EYA4: variants seen among roughly 807,000 people sequenced by gnomAD.
EYA4 encodes EYA transcriptional coactivator and phosphatase 4, also known as protein phosphatase EYA4.
EYA4 carries 31 observed loss-of-function variants against 87.9 expected under a neutral mutation model. That is an observed-to-expected ratio of 0.35 (90% CI 0.27 to 0.48). The LOEUF is 0.48. EYA4 is among the 20% of genes least tolerant of loss of function. EYA4 has a pLI of 0.99. For synonymous variants in EYA4, 263 were observed against 270.6 expected, an observed-to-expected ratio of 0.97 and a Z score of 0.28; for missense variants, 678 against 761.4, an observed-to-expected ratio of 0.89 and a Z score of 1.29.
At chr6:133,296,418 C>G (rs996097509) in intron 2 of EYA4, among the ~76,000 whole-genome samples, 10 of 152,080 alleles carry the variant, frequency 6.6e-5, no homozygotes, top group African/African-American at 2.4e-4. Context: ...GGGGAAGGAT[C>G]CAGGAGACCA....
intron 3 of EYA4, among the ~76,000 whole-genome samples, chr6:133,416,280 A>G (rs1470541104): frequency 2.0e-5 from 3 of 152,212 alleles, no homozygotes; most frequent in South Asian, 2.1e-4. Context: ...AAATGCAGAT[A>G]AAGGACTGAC....
intron 2 of EYA4, among the ~76,000 whole-genome samples, chr6:133,294,474 G>A (rs929122940): frequency 2.1e-5 from 3 of 144,006 alleles, no homozygotes; most frequent in Non-Finnish European, 4.5e-5. Flanking sequence ...TGGTCGTCCC[G>A]CCTCAGCCTC....
At chr6:133,456,494 C>A in intron 5 of EYA4, 62 bp from the exon 6 acceptor site, 2 of 1,135,138 alleles carry the variant, frequency 1.8e-6, no homozygotes, top group Non-Finnish European at 2.7e-6. Context: ...ACTAGTAGAA[C>A]GGACAGAGTC....
At chr6:133,365,972 A>G (rs76010042) in intron 2 of EYA4, among the ~76,000 whole-genome samples, 2,522 of 152,320 alleles carry the variant, frequency 0.017, 61 homozygotes, top group African/African-American at 0.055. Flanking sequence ...TAGAGTTGAT[A>G]TAACTGGCCT....
rs527461637 is a variant in EYA4, at chr6:133,250,877, A to G, written c.-66+9128A>G. On this transcript the variant is annotated intron_variant, in intron 1 of 19. Coordinates refer to ENST00000355286, the MANE Select transcript of EYA4 (RefSeq NM_004100.5). Reference sequence around the variant, plus strand: ...GATATGAGTATCAGTTGTTATTACTATGATTGGGTATCTTTCATTAGATTA... The same window carrying G: ...GATATGAGTATCAGTTGTTATTACTGTGATTGGGTATCTTTCATTAGATTA... 2.0e-5 allele frequency among the ~76,000 whole-genome samples: 3 copies of G among 152,270 alleles called. No homozygotes were observed. In the South Asian group the frequency reaches 6.2e-4, roughly 32 times the overall value.
Position 133,529,179 on chromosome 6 carries a change from C to A in EYA4, c.*374C>A. Reference sequence around the variant, plus strand: ...AACAACATTCCTCAAAATGGGAGATCTTCTCAGCCCTGAGGTTTGAATCTG... The same window carrying A: ...AACAACATTCCTCAAAATGGGAGATATTCTCAGCCCTGAGGTTTGAATCTG... On this transcript the variant is annotated 3_prime_UTR_variant, in exon 20 of 20. Coordinates refer to ENST00000355286, the MANE Select transcript of EYA4 (RefSeq NM_004100.5). The A allele has an allele frequency of 8.5e-7, 1 of 1,171,292 alleles. No homozygotes were observed. Among genetic ancestry groups the A allele is most frequent in the Non-Finnish European group, 1.1e-6 (1 of 936,584 alleles). 72.6% of individuals were successfully genotyped at this position (1,171,292 alleles called of 1,614,324 possible).
intron 2 of EYA4, among the ~76,000 whole-genome samples, chr6:133,340,840 C>T (rs1782728680): frequency 6.6e-6 from 1 of 152,046 alleles, no homozygotes; most frequent in South Asian, 2.1e-4. Flanking sequence ...CGAAAGAGTC[C>T]CTCTGGCTGC....
At chr6:133,494,229 T>G (rs966079033) in intron 13 of EYA4, among the ~76,000 whole-genome samples, 2 of 152,090 alleles carry the variant, frequency 1.3e-5, no homozygotes, top group African/African-American at 2.4e-5. Flanking sequence ...CACAGTGGAG[T>G]ACTATTCAGC....
At chr6:133,417,775 G>A (rs1397722831) in intron 3 of EYA4, among the ~76,000 whole-genome samples, 1 of 152,118 alleles carries the variant, frequency 6.6e-6, no homozygotes, top group Non-Finnish European at 1.5e-5. Flanking sequence ...ATAGAAATAA[G>A]GCTCAAAGGG....
intron 2 of EYA4, among the ~76,000 whole-genome samples, chr6:133,292,487 G>A (rs1402357916): frequency 6.6e-5 from 10 of 152,146 alleles, no homozygotes; most frequent in Non-Finnish European, 1.5e-4. Flanking sequence ...AAGGCCTTAG[G>A]ATATGGGTGT....
At chr6:133,433,262 G>A (rs969982951) in intron 3 of EYA4, among the ~76,000 whole-genome samples, 4 of 152,222 alleles carry the variant, frequency 2.6e-5, no homozygotes, top group Non-Finnish European at 5.9e-5. Flanking sequence ...AGACATGCCA[G>A]AGTAACCTCA....
At position 133,295,257 on chromosome 6, in the gene EYA4, G is replaced by C. The variant is rs1185583370; in HGVS notation, c.33+20444G>C. 2.0e-5 allele frequency among the ~76,000 whole-genome samples: 3 copies of C among 152,286 alleles called. No individual in the cohort carries two copies. The East Asian group carries it at 5.8e-4, about 29-fold the overall frequency. The stretch of plus-strand genomic sequence containing the variant: ...AATTTTATGTTCAAGTGCTCCCCTA[G>C]AGTGGTGATAAGTGAAATCATCGAT... On this transcript the variant is annotated intron_variant, in intron 2 of 19. Transcript: ENST00000355286.
chr6:133,468,364 CAAT>C (rs1795027467), intron 10 of EYA4, among the ~76,000 whole-genome samples, 199 bp from the exon 11 acceptor site: 1 of 151,978 alleles, frequency 6.6e-6, no homozygotes, highest in Admixed American at 6.6e-5. Flanking sequence ...TTTGCCAAAA[CAAT>C]AGGGTATTTC....
At chr6:133,506,608 T>C (rs1798651229) in intron 14 of EYA4, among the ~76,000 whole-genome samples, 1 of 152,202 alleles carries the variant, frequency 6.6e-6, no homozygotes, top group Non-Finnish European at 1.5e-5. Context: ...AAACTTAACT[T>C]TAGCTAACAT....
intron 6 of EYA4, among the ~76,000 whole-genome samples, chr6:133,458,850 TTTAAA>T (rs1189720525): frequency 6.6e-6 from 1 of 152,172 alleles, no homozygotes; most frequent in Non-Finnish European, 1.5e-5. Flanking sequence ...TAAACATGTA[TTTAAA>T]TTAATTTTCA....
chr6:133,273,097 G>GTATATATATATATATATATATATATA (rs3065331), intron 1 of EYA4, among the ~76,000 whole-genome samples: 29 of 106,640 alleles, frequency 2.7e-4, no homozygotes, highest in African/African-American at 7.6e-4. Flanking sequence ...ATATATATAT[G>GTATATATATATATATATATATATATA]TATATATATA....
At chr6:133,342,006 C>T (rs1782819463) in intron 2 of EYA4, among the ~76,000 whole-genome samples, 1 of 152,084 alleles carries the variant, frequency 6.6e-6, no homozygotes, top group Non-Finnish European at 1.5e-5. Flanking sequence ...TCATAAATAT[C>T]TTGACAAGTC....
intron 13 of EYA4, among the ~76,000 whole-genome samples, chr6:133,499,762 G>A (rs575613187): frequency 2.3e-4 from 35 of 152,110 alleles, no homozygotes; most frequent in Non-Finnish European, 4.3e-4. Context: ...GAGGTGAAGG[G>A]TGGAAAAGGC....
At chr6:133,390,663 G>A (rs987439706) in intron 3 of EYA4, among the ~76,000 whole-genome samples, 12 of 152,138 alleles carry the variant, frequency 7.9e-5, no homozygotes, top group Non-Finnish European at 1.5e-4. Flanking sequence ...AGTTACATAG[G>A]TAATGTTTTC....
Sources: gnomAD v4.1 joint callset for allele counts (sites outside exome capture counted in the v4.1 genomes callset) on GRCh38, gnomAD v4.1.1 for gene constraint, MANE v1.5 for transcripts, NCBI Gene and HGNC (gene_info 2026-07-23, HGNC 2026-07-21) for gene names.